The following MCTP1 variants were observed in gnomAD, a reference collection of about 807,000 sequenced individuals.
MCTP1 encodes multiple C2 and transmembrane domain containing 1.
In MCTP1, 69 loss-of-function variants were observed where a neutral mutation model predicts 120.6. The ratio of observed to expected loss-of-function variants is 0.57; its 90% CI spans 0.47 to 0.70. The LOEUF is 0.70. Among genes scored for constraint, MCTP1 ranks in the 30% least tolerant of loss-of-function variants. The pLI, the probability that MCTP1 is intolerant of heterozygous loss-of-function variation, is 0.00. For missense variants in MCTP1, 1,203 were observed against 1,248.8 expected (o/e 0.96, Z 0.55); for synonymous variants, 529 against 493.1 (o/e 1.07, Z -0.96).
Position 94,871,410 on chromosome 5 carries a change from T to C in MCTP1, c.2044A>G (p.Lys682Glu). The C allele has an allele frequency of 6.3e-7, 1 of 1,599,638 alleles. No homozygotes were observed. Among genetic ancestry groups the C allele is most frequent in the Non-Finnish European group, 8.6e-7 (1 of 1,167,192 alleles). Reference sequence around the variant, plus strand: ...ACTTCAAGAACTGAATGGATATCTTTAATGTTGCTGCATAATAAATATATG... The same window carrying C: ...ACTTCAAGAACTGAATGGATATCTTCAATGTTGCTGCATAATAAATATATG... ...EWNKVFTFNI[K>E]DIHSVLEVTV... Residue 682 changes from lysine (K) to glutamate (E), a missense_variant, in exon 14 of 23, where the codon AAA (lysine) becomes GAA (glutamate). Lys to Glu is a moderately conservative substitution (Grantham distance 56, BLOSUM62 1). Transcript: ENST00000515393.
chr5:95,188,679 TG>T (rs1213866139), intron 1 of MCTP1, among the ~76,000 whole-genome samples: 2 of 152,076 alleles, frequency 1.3e-5, no homozygotes, highest in African/African-American at 2.4e-5. Context: ...TTCCAGGGGT[TG>T]GGGATGGAGG....
chr5:95,091,832 T>C (rs560828779), intron 1 of MCTP1, among the ~76,000 whole-genome samples: 2 of 152,352 alleles, frequency 1.3e-5, no homozygotes, highest in African/African-American at 4.8e-5. Context: ...TACATAACAA[T>C]AGTAGCCAGT....
chr5:95,138,237 C>CG (rs1554213185), intron 1 of MCTP1, among the ~76,000 whole-genome samples: 1 of 150,318 alleles, frequency 6.7e-6, no homozygotes, highest in Non-Finnish European at 1.5e-5. Flanking sequence ...GATGCAACCC[C>CG]CCCCCGACAT....
chr5:94,751,972 G>T (rs556352718), intron 19 of MCTP1, among the ~76,000 whole-genome samples: 7 of 147,118 alleles, frequency 4.8e-5, no homozygotes, highest in East Asian at 4.0e-4. Context: ...GTGCAGGGAG[G>T]GGGGAGGGTT....
intron 19 of MCTP1, among the ~76,000 whole-genome samples, chr5:94,749,541 G>C (rs1165058647): frequency 6.6e-6 from 1 of 151,274 alleles, no homozygotes; most frequent in Non-Finnish European, 1.5e-5. Flanking sequence ...TGTAATCCCA[G>C]CTGCTCAGGA....
At chr5:94,944,412 G>A (rs937551341) in intron 3 of MCTP1, among the ~76,000 whole-genome samples, 1 of 152,148 alleles carries the variant, frequency 6.6e-6, no homozygotes, top group Non-Finnish European at 1.5e-5. Flanking sequence ...GCAAGTGGCT[G>A]CAGCAGTGTA....
At chr5:95,172,553 A>G (rs550104985) in intron 1 of MCTP1, among the ~76,000 whole-genome samples, 47 of 151,928 alleles carry the variant, frequency 3.1e-4, no homozygotes, top group Non-Finnish European at 6.2e-4. Flanking sequence ...ACTTCTTCAC[A>G]GGCATAGATG....
At chr5:94,793,622 A>G (rs1779420611) in intron 18 of MCTP1, 1 of 152,254 alleles carries the variant, frequency 6.6e-6, no homozygotes, top group Non-Finnish European at 1.5e-5. Flanking sequence ...TTACTGAAGT[A>G]GAGAGAGTCT....
At chr5:94,950,207 T>C (rs1313933025) in intron 3 of MCTP1, among the ~76,000 whole-genome samples, 1 of 152,142 alleles carries the variant, frequency 6.6e-6, no homozygotes, top group Non-Finnish European at 1.5e-5. Flanking sequence ...TCTCAGAGAC[T>C]TGTATGATTT....
intron 2 of MCTP1, chr5:94,979,142 C>G (rs1393014654): frequency 6.6e-6 from 1 of 152,038 alleles, no homozygotes; most frequent in Non-Finnish European, 1.5e-5. Flanking sequence ...AGGATTCTTC[C>G]CAGACAGAAA....
chr5:95,124,616 G>A (rs752825935), intron 1 of MCTP1, among the ~76,000 whole-genome samples: 3 of 152,090 alleles, frequency 2.0e-5, no homozygotes, highest in Non-Finnish European at 4.4e-5. Context: ...TTCCATCACT[G>A]GCATTTATGA....
intron 1 of MCTP1, among the ~76,000 whole-genome samples, chr5:95,040,594 A>T (rs1322530274): frequency 1.3e-5 from 2 of 152,130 alleles, no homozygotes; most frequent in East Asian, 3.8e-4. Flanking sequence ...CAAGGTGGTA[A>T]CACACCTTCC....
intron 1 of MCTP1, among the ~76,000 whole-genome samples, chr5:95,181,040 G>A (rs1328143439): frequency 6.6e-6 from 1 of 152,136 alleles, no homozygotes; most frequent in Non-Finnish European, 1.5e-5. Flanking sequence ...CACCTGAACT[G>A]CTGCAAAAAC....
At chr5:94,882,392 T>C (rs987826324) in intron 12 of MCTP1, among the ~76,000 whole-genome samples, 3 of 152,028 alleles carry the variant, frequency 2.0e-5, no homozygotes, top group Non-Finnish European at 2.9e-5. Flanking sequence ...AACTATACTA[T>C]CGTTTAACCC....
At chr5:94,980,143 C>T (rs1278375452) in intron 2 of MCTP1, among the ~76,000 whole-genome samples, 5 of 152,108 alleles carry the variant, frequency 3.3e-5, no homozygotes, top group Non-Finnish European at 7.4e-5. Flanking sequence ...AATTTAGTGA[C>T]ATTTAAAACA....
At chr5:95,212,026 C>T (rs1740751914) in intron 1 of MCTP1, among the ~76,000 whole-genome samples, 1 of 152,018 alleles carries the variant, frequency 6.6e-6, no homozygotes. Flanking sequence ...CAGAGGAGAA[C>T]TGAAGGAGAT....
chr5:94,963,269 A>C (rs1824738063), intron 2 of MCTP1, among the ~76,000 whole-genome samples: 1 of 151,984 alleles, frequency 6.6e-6, no homozygotes, highest in Admixed American at 6.6e-5. Flanking sequence ...TGAACATGGG[A>C]GTGCAGATAT....
At chr5:94,864,424 C>A (rs1796414736) in intron 17 of MCTP1, among the ~76,000 whole-genome samples, 1 of 151,778 alleles carries the variant, frequency 6.6e-6, no homozygotes, top group Non-Finnish European at 1.5e-5. Flanking sequence ...TAAGATGTTT[C>A]ATTAAAGTAC....
At chr5:94,955,241 A>G (rs1452795362) in intron 2 of MCTP1, among the ~76,000 whole-genome samples, 1 of 152,168 alleles carries the variant, frequency 6.6e-6, no homozygotes, top group Non-Finnish European at 1.5e-5. Context: ...TGGCCCAGAT[A>G]CTATGCTTTT....
Sources: allele counts gnomAD v4.1 joint callset (sites outside exome capture counted in the v4.1 genomes callset), GRCh38; gene constraint gnomAD v4.1.1; transcripts MANE v1.5; gene names NCBI Gene and HGNC (gene_info 2026-07-23, HGNC 2026-07-21).